The following OCA2 variants were observed in gnomAD, a reference collection of about 807,000 sequenced individuals.
The protein encoded by OCA2 is OCA2 melanosomal transmembrane protein.
OCA2 carries 77 observed loss-of-function variants against 100.2 expected under a neutral mutation model. The observed-to-expected ratio is 0.77, with a 90% CI of 0.64 to 0.93. The LOEUF (loss-of-function observed/expected upper bound fraction) is 0.93. Ranked by LOEUF, OCA2 falls within the 40% of genes least tolerant of loss-of-function variation. The pLI, the probability that OCA2 is intolerant of heterozygous loss-of-function variation, is 0.00. For missense variants in OCA2, 1,062 were observed against 1,089.1 expected, an observed-to-expected ratio of 0.98 and a Z score of 0.35; for synonymous variants, 432 against 439.2, an observed-to-expected ratio of 0.98 and a Z score of 0.21.
At chr15:28,074,358 T>G (rs549906724) in intron 2 of OCA2, among the ~76,000 whole-genome samples, 23 of 149,386 alleles carry the variant, frequency 1.5e-4, no homozygotes, top group African/African-American at 5.7e-4. Context: ...GCCAACATAG[T>G]GAAACCCCGT....
At chr15:27,739,440 C>CTT in the OCA2 span, among the ~76,000 whole-genome samples, 158 of 99,972 alleles carry the variant, frequency 1.6e-3, no homozygotes, top group East Asian at 3.1e-3. Context: ...TAATTTCTTT[C>CTT]TTTTTTTTTT....
the OCA2 span, among the ~76,000 whole-genome samples, chr15:27,725,315 G>A: frequency 5.3e-5 from 8 of 152,302 alleles, no homozygotes; most frequent in East Asian, 5.8e-4. Flanking sequence ...GGTGGCTCAC[G>A]CCTATAATCC....
At chr15:27,819,148 C>A (rs1457231834) in intron 23 of OCA2, among the ~76,000 whole-genome samples, 1 of 152,202 alleles carries the variant, frequency 6.6e-6, no homozygotes, top group Non-Finnish European at 1.5e-5. Context: ...ATAATACCTA[C>A]TTTATAAGGC....
the OCA2 span, among the ~76,000 whole-genome samples, chr15:27,726,519 G>A: frequency 1.3e-5 from 2 of 152,036 alleles, no homozygotes; most frequent in African/African-American, 4.8e-5. Context: ...ACAATGCTTC[G>A]CTCAGCACAT....
rs542610959 is a variant in OCA2, at chr15:27,768,717, T to TA, written c.2433-13246dup. On this transcript the variant is annotated intron_variant, in intron 23 of 23. Coordinates refer to ENST00000354638, the MANE Select transcript of OCA2 (RefSeq NM_000275.3). ...CTTGTTTTTTAGGGTTGACATTAGT[T>TA]AGAGTCAAGAAGAGACCAGTGATAA... Among the ~76,000 whole-genome samples, 101 of 152,330 alleles carry TA rather than the reference T, an allele frequency of 6.6e-4. 2 individuals are homozygous for TA. The South Asian group carries it at 0.02, about 30-fold the overall frequency.
intron 18 of OCA2, among the ~76,000 whole-genome samples, chr15:27,926,596 T>C (rs2039051997): frequency 6.6e-6 from 1 of 152,156 alleles, no homozygotes; most frequent in Non-Finnish European, 1.5e-5. Context: ...AGGTTTTCTG[T>C]AAATTGCACC....
chr15:28,005,801 T>C (rs561650372), intron 9 of OCA2, among the ~76,000 whole-genome samples: 1 of 152,274 alleles, frequency 6.6e-6, no homozygotes, highest in African/African-American at 2.4e-5. Flanking sequence ...GGATGTGGCA[T>C]CTTGGAAGTG....
At chr15:28,010,889 A>G (rs28765150) in intron 9 of OCA2, among the ~76,000 whole-genome samples, 38 of 151,986 alleles carry the variant, frequency 2.5e-4, no homozygotes, top group African/African-American at 8.7e-4. Flanking sequence ...CAATTTTGGG[A>G]AAAAAAATAA....
intron 23 of OCA2, among the ~76,000 whole-genome samples, chr15:27,821,948 T>G (rs2034524894): frequency 1.3e-5 from 2 of 152,200 alleles, no homozygotes; most frequent in Admixed American, 1.3e-4. Context: ...GCAACTTAAC[T>G]CTCTGTTATA....
chr15:27,803,624 G>T (rs547668479), intron 23 of OCA2, among the ~76,000 whole-genome samples: 1 of 152,334 alleles, frequency 6.6e-6, no homozygotes, highest in Admixed American at 6.5e-5. Flanking sequence ...CAGGCTTTCA[G>T]TTTTGCAAGA....
intron 9 of OCA2, among the ~76,000 whole-genome samples, chr15:28,004,905 C>T (rs1158798444): frequency 6.6e-6 from 1 of 152,192 alleles, no homozygotes; most frequent in African/African-American, 2.4e-5. Context: ...ACTCTCACGG[C>T]AGCCCGATCT....
intron 23 of OCA2, among the ~76,000 whole-genome samples, chr15:27,819,998 G>T (rs192973845): frequency 2.0e-5 from 3 of 152,172 alleles, no homozygotes; most frequent in Non-Finnish European, 4.4e-5. Context: ...GATGTTAGCG[G>T]CACACATCAA....
At chr15:27,917,805 G>A (rs1282292691) in intron 19 of OCA2, among the ~76,000 whole-genome samples, 1 of 152,102 alleles carries the variant, frequency 6.6e-6, no homozygotes, top group Non-Finnish European at 1.5e-5. Flanking sequence ...CTTCAAAAAG[G>A]ACGGTCAGAG....
chr15:27,921,333 G>T (rs144814251), intron 19 of OCA2, among the ~76,000 whole-genome samples: 1 of 152,014 alleles, frequency 6.6e-6, no homozygotes, highest in African/African-American at 2.4e-5. Context: ...AAAACTATCA[G>T]GGATTCTATA....
At chr15:27,890,585 C>T (rs2037413796) in intron 19 of OCA2, among the ~76,000 whole-genome samples, 1 of 152,110 alleles carries the variant, frequency 6.6e-6, no homozygotes, top group Non-Finnish European at 1.5e-5. Context: ...AAAGCACTGT[C>T]AACCATACAT....
intron 23 of OCA2, among the ~76,000 whole-genome samples, chr15:27,764,940 T>C (rs1206918346): frequency 3.3e-5 from 5 of 152,214 alleles, no homozygotes; most frequent in Non-Finnish European, 7.4e-5. Context: ...CGTGTAGCTA[T>C]TTCTTGATAT....
chr15:27,723,570 C>T, the OCA2 span, among the ~76,000 whole-genome samples: 16 of 152,024 alleles, frequency 1.1e-4, no homozygotes, highest in South Asian at 3.1e-3. Context: ...TGTGAAGAAC[C>T]GACCTGGGGG....
At chr15:27,923,181 A>G (rs72712614) in intron 19 of OCA2, among the ~76,000 whole-genome samples, 29,402 of 152,158 alleles carry the variant, frequency 0.19, 4,150 homozygotes, top group East Asian at 0.62. Context: ...TCCATGGTGT[A>G]TATGTTTATA....
intron 21 of OCA2, 29 bp from the exon 22 acceptor site, chr15:27,851,504 G>A (rs372534610): frequency 8.4e-4 from 1,315 of 1,568,492 alleles, no homozygotes; most frequent in Non-Finnish European, 1.1e-3. Flanking sequence ...TTGATGCCAC[G>A]TCCCATGGAC....
Sources: allele counts gnomAD v4.1 joint callset (sites outside exome capture counted in the v4.1 genomes callset), GRCh38; gene constraint gnomAD v4.1.1; transcripts MANE v1.5; gene names NCBI Gene and HGNC (gene_info 2026-07-23, HGNC 2026-07-21).